Variants in C3orf70 observed in about 807,000 individuals in gnomAD.
C3orf70 encodes the protein UPF0524 protein C3orf70.
A neutral mutation model predicts 20.7 loss-of-function variants in C3orf70; 15 were observed. The observed-to-expected ratio is 0.72, with a 90% CI of 0.48 to 1.11. The LOEUF (loss-of-function observed/expected upper bound fraction) is 1.11, where lower values mean the gene tolerates loss of function less well. Among genes scored for constraint, C3orf70 ranks in the 50% most tolerant of loss-of-function variants. C3orf70 has a pLI of 0.00. For missense variants in C3orf70, 332 were observed against 317.6 expected (o/e 1.05, Z -0.34); for synonymous variants, 161 against 125.7 (o/e 1.28, Z -1.88).
chr3:185,114,830 C>T (rs557960308), intron 1 of C3orf70, among the ~76,000 whole-genome samples: 1 of 152,142 alleles, frequency 6.6e-6, no homozygotes, highest in Admixed American at 6.5e-5. Context: ...AAGACTATTG[C>T]TTTTGCAAAT....
At chr3:185,108,268 T>C (rs183866964) in intron 1 of C3orf70, among the ~76,000 whole-genome samples, 280 of 152,362 alleles carry the variant, frequency 1.8e-3, no homozygotes, top group African/African-American at 6.5e-3. Context: ...CTTCTTATTC[T>C]GGCTCAAAAA....
At chr3:185,086,164 G>A (rs951801214) in intron 1 of C3orf70, among the ~76,000 whole-genome samples, 11 of 152,138 alleles carry the variant, frequency 7.2e-5, no homozygotes, top group African/African-American at 1.7e-4. Flanking sequence ...GGTGAAGCCC[G>A]GCTTTGGGAC....
intron 1 of C3orf70, among the ~76,000 whole-genome samples, chr3:185,094,368 C>A (rs572634831): frequency 3.3e-5 from 5 of 152,096 alleles, no homozygotes; most frequent in Non-Finnish European, 7.4e-5. Flanking sequence ...TGAGCCGCTG[C>A]GCCCGGCCTA....
rs577178372 is a variant in C3orf70, at chr3:185,080,122, C to A, written c.*2885G>T. On this transcript the variant is annotated 3_prime_UTR_variant, in exon 2 of 2. Coordinates refer to ENST00000335012, the MANE Select transcript of C3orf70 (RefSeq NM_001025266.3). ...TGCTAGGACAAAAATAAATCTTGTG[C>A]TTATTTAGAAAAGGTCATTTTGAGA... is the stretch of plus-strand genomic sequence containing the variant. 1 of 152,646 alleles carries A rather than the reference C, an allele frequency of 6.6e-6. No homozygotes were observed. Among genetic ancestry groups the A allele is most frequent in the South Asian group, 2.1e-4 (1 of 4,818 alleles). 9.5% of individuals were successfully genotyped at this position (152,646 alleles called of 1,614,324 possible).
At chr3:185,126,168 T>C (rs1716406235) in intron 1 of C3orf70, among the ~76,000 whole-genome samples, 1 of 152,240 alleles carries the variant, frequency 6.6e-6, no homozygotes, top group Admixed American at 6.5e-5. Context: ...AATGTTCAAC[T>C]TTTCTAAGCA....
chr3:185,103,223 CCA>C (rs1270900622), intron 1 of C3orf70, among the ~76,000 whole-genome samples: 2 of 152,122 alleles, frequency 1.3e-5, no homozygotes, highest in African/African-American at 2.4e-5. Flanking sequence ...CCAGCCTGGG[CCA>C]CAGAGTGAGG....
intron 1 of C3orf70, among the ~76,000 whole-genome samples, chr3:185,128,291 G>C (rs1165913644): frequency 6.6e-6 from 1 of 152,112 alleles, no homozygotes. Flanking sequence ...CACTTTGGGA[G>C]GCGAGGCGGG....
rs1280230708 is a variant in C3orf70, at chr3:185,077,420, G to A, written c.*5587C>T. 6.6e-6 allele frequency among the ~76,000 whole-genome samples: 1 copy of A among 152,140 alleles called. No homozygotes were observed. Among genetic ancestry groups the A allele is most frequent in the African/African-American group, 2.4e-5 (1 of 41,422 alleles). ...GCTCTTTTCCTGATCTGTGAAATGGGGCTGCTTTAATCTCCCTCACAGGGT... is the reference window on the plus strand; with the variant it reads ...GCTCTTTTCCTGATCTGTGAAATGGAGCTGCTTTAATCTCCCTCACAGGGT... On this transcript the variant is annotated 3_prime_UTR_variant, in exon 2 of 2. Transcript: ENST00000335012.
chr3:185,150,348 G>A (rs1159587052), intron 1 of C3orf70, among the ~76,000 whole-genome samples: 1 of 152,176 alleles, frequency 6.6e-6, no homozygotes, highest in Non-Finnish European at 1.5e-5. Context: ...TATCCAGTAT[G>A]TGGATGACAT....
At chr3:185,083,638 G>T in intron 1 of C3orf70, 75 bp from the exon 2 acceptor site, 1 of 1,277,706 alleles carries the variant, frequency 7.8e-7, no homozygotes, top group South Asian at 1.7e-5. Context: ...GGTTTCTGAG[G>T]ACTCAATGTC....
At chr3:185,100,213 C>G (rs1236925914) in intron 1 of C3orf70, among the ~76,000 whole-genome samples, 1 of 152,206 alleles carries the variant, frequency 6.6e-6, no homozygotes, top group Non-Finnish European at 1.5e-5. Context: ...TAGACATCTA[C>G]ATTACCTCTC....
intron 1 of C3orf70, among the ~76,000 whole-genome samples, chr3:185,130,785 G>A (rs1716508955): frequency 6.6e-6 from 1 of 152,132 alleles, no homozygotes; most frequent in Admixed American, 6.5e-5. Context: ...GAATGTGTCT[G>A]TATTTCATTC....
chr3:185,143,003 C>G (rs144749427), intron 1 of C3orf70, among the ~76,000 whole-genome samples: 4 of 151,984 alleles, frequency 2.6e-5, no homozygotes, highest in African/African-American at 9.7e-5. Flanking sequence ...CAATAAAATG[C>G]GATATATGAA....
intron 1 of C3orf70, among the ~76,000 whole-genome samples, chr3:185,142,420 G>A (rs923663077): frequency 2.0e-5 from 3 of 152,164 alleles, no homozygotes; most frequent in Non-Finnish European, 4.4e-5. Context: ...GTGACACAGC[G>A]AAACCCTGCT....
chr3:185,111,421 A>G (rs1716070772), intron 1 of C3orf70, among the ~76,000 whole-genome samples: 1 of 152,226 alleles, frequency 6.6e-6, no homozygotes, highest in Non-Finnish European at 1.5e-5. Flanking sequence ...AAAATGATCA[A>G]AAGGATTTGA....
chr3:185,143,981 A>AACACACAC (rs34762767), intron 1 of C3orf70, among the ~76,000 whole-genome samples: 20 of 148,946 alleles, frequency 1.3e-4, no homozygotes, highest in African/African-American at 3.0e-4. Context: ...TTCTATGGTA[A>AACACACAC]ACACACACAC....
rs1334929464 is a variant in C3orf70, at chr3:185,153,019, C to T, written c.-196G>A. On this transcript the variant is annotated 5_prime_UTR_variant, in exon 1 of 2. Coordinates refer to ENST00000335012, the MANE Select transcript of C3orf70 (RefSeq NM_001025266.3). This position sits in a 1 kb window ranked among gnomAD's most constrained non-coding sequence, Gnocchi z 6.8. ...CCCGGGCGCTGCGACCGGGTCCGGG[C>T]TGGCAGCCTCCCTCCCTCCGGCGCG... is the stretch of plus-strand genomic sequence containing the variant. 6.1e-5 allele frequency: 14 copies of T among 230,068 alleles called. No homozygotes were observed. Among genetic ancestry groups the T allele is most frequent in the Non-Finnish European group, 1.0e-4 (13 of 125,036 alleles). The allele number at this position is 230,068 out of a possible 1,614,324, so 14.3% of individuals were successfully genotyped here.
At chr3:185,124,220 C>T (rs1373109927) in intron 1 of C3orf70, among the ~76,000 whole-genome samples, 3 of 152,126 alleles carry the variant, frequency 2.0e-5, no homozygotes, top group East Asian at 1.9e-4. Flanking sequence ...TTGGTATCCA[C>T]GGGGGGATCC....
intron 1 of C3orf70, among the ~76,000 whole-genome samples, chr3:185,116,820 C>T (rs1187838951): frequency 1.3e-5 from 2 of 151,614 alleles, no homozygotes; most frequent in African/African-American, 2.4e-5. Flanking sequence ...GCTCAGTGGC[C>T]CAGGCTGGAG....
Sources: gnomAD v4.1 joint callset for allele counts (sites outside exome capture counted in the v4.1 genomes callset) on GRCh38, gnomAD v4.1.1 for gene constraint, Gnocchi (gnomAD v3.1) non-coding constraint, MANE v1.5 for transcripts, NCBI Gene and HGNC (gene_info 2026-07-23, HGNC 2026-07-21) for gene names.